Variants in LAMA3 observed in about 807,000 individuals in gnomAD.
LAMA3 encodes laminin subunit alpha 3, also known as laminin subunit alpha-3.
LAMA3 carries 281 observed loss-of-function variants against 402.0 expected under a neutral mutation model. That is an observed-to-expected ratio of 0.70 (90% confidence interval 0.63 to 0.77). LAMA3 has a LOEUF of 0.77. Among genes scored for constraint, LAMA3 ranks in the 30% least tolerant of loss-of-function variants. LAMA3 has a pLI of 0.00. For missense variants in LAMA3, 3,840 were observed against 4,215.5 expected, an observed-to-expected ratio of 0.91 and a Z score of 2.47; for synonymous variants, 1,431 against 1,558.4, an observed-to-expected ratio of 0.92 and a Z score of 1.93.
intron 59 of LAMA3, among the ~76,000 whole-genome samples, chr18:23,916,048 GA>G (rs34752262): frequency 0.71 from 67,141 of 94,094 alleles, 25,933 homozygotes; most frequent in Non-Finnish European, 0.85. Flanking sequence ...AAAAGAAAAA[GA>G]AAAAGAAAAG....
intron 12 of LAMA3, among the ~76,000 whole-genome samples, chr18:23,795,734 T>TAA (rs530213801): frequency 3.3e-5 from 5 of 151,926 alleles, no homozygotes; most frequent in Admixed American, 3.3e-4. Context: ...ATATTTTTTT[T>TAA]AATCTATAAA....
chr18:23,715,222 A>T (rs962506252), intron 2 of LAMA3, among the ~76,000 whole-genome samples: 1 of 151,924 alleles, frequency 6.6e-6, no homozygotes, highest in African/African-American at 2.4e-5. Flanking sequence ...GCCGAAGACC[A>T]TTGGCATGTA....
At chr18:23,858,583 C>T in intron 33 of LAMA3, 106 bp from the exon 34 acceptor site, 1 of 1,041,814 alleles carries the variant, frequency 9.6e-7, no homozygotes, top group Admixed American at 1.7e-5. Flanking sequence ...TTGCTCACAT[C>T]CTCATCCTAA....
At chr18:23,774,214 C>T (rs2062265438) in intron 9 of LAMA3, among the ~76,000 whole-genome samples, 1 of 152,196 alleles carries the variant, frequency 6.6e-6, no homozygotes, top group Non-Finnish European at 1.5e-5. Context: ...CAGAGTGAGA[C>T]TCTGTCTCAG....
intron 42 of LAMA3, among the ~76,000 whole-genome samples, chr18:23,893,103 A>G (rs2080742682): frequency 6.6e-6 from 1 of 152,178 alleles, no homozygotes; most frequent in South Asian, 2.1e-4. Context: ...TACAATTAAA[A>G]GTAAATGTGG....
At chr18:23,838,967 A>G in intron 26 of LAMA3, 89 bp downstream of exon 26, 1 of 838,846 alleles carries the variant, frequency 1.2e-6, no homozygotes, top group Admixed American at 1.8e-5. Context: ...AACGTCAGAA[A>G]TGATCATAAG....
chr18:23,743,955 A>G (rs1460415599), intron 2 of LAMA3, among the ~76,000 whole-genome samples: 1 of 152,192 alleles, frequency 6.6e-6, no homozygotes, highest in Non-Finnish European at 1.5e-5. Flanking sequence ...AGCAGCACTC[A>G]TGTGTGCTTT....
Position 23,939,301 on chromosome 18 carries a change from C to A in LAMA3, c.8941C>A (p.Gln2981Lys). ...QDACSPLPKT[Q>K]ANHGALQFGD... ...TGCTTGCTCACCACTTCCCAAGACC[C>A]AGGCCAATCATGGAGCCCTCCAGTT... Residue 2981 changes from glutamine (Q) to lysine (K), a missense_variant, in exon 68 of 75, where the codon CAG becomes AAG. Physicochemically the swap from Gln to Lys is moderately conservative, Grantham distance 53. Coordinates refer to ENST00000313654, the MANE Select transcript of LAMA3 (RefSeq NM_198129.4). The A allele has an allele frequency of 6.2e-7, 1 of 1,614,172 alleles. No individual in the cohort carries two copies. The highest frequency in any genetic ancestry group is 8.5e-7 in the Non-Finnish European group (1 of 1,180,006).
intron 38 of LAMA3, among the ~76,000 whole-genome samples, chr18:23,875,153 C>G (rs529726663): frequency 1.8e-3 from 276 of 152,278 alleles, no homozygotes; most frequent in Non-Finnish European, 2.9e-3. Flanking sequence ...GCTTGAGCCA[C>G]CACAACCAGC....
rs568042556 is a variant in LAMA3 at position 23,794,070 on chromosome 18, C to G, written c.1603+9913C>G. ...GAGACTGGGAGCTTCCATGCCCTCC[C>G]TGGGCCCCACCCTCCAGGAACCTCC... On this transcript the variant is annotated intron_variant, in intron 12 of 74. Coordinates refer to ENST00000313654, the MANE Select transcript of LAMA3 (RefSeq NM_198129.4). Among the ~76,000 whole-genome samples the G allele has an allele frequency of 9.2e-5, 14 of 152,378 alleles. No individual in the cohort carries two copies. In the East Asian group the frequency reaches 2.5e-3, roughly 27 times the overall value.
intron 34 of LAMA3, among the ~76,000 whole-genome samples, chr18:23,859,289 TC>T (rs1387126903): frequency 6.6e-6 from 1 of 152,222 alleles, no homozygotes; most frequent in Non-Finnish European, 1.5e-5. Context: ...TGGGGTTTTT[TC>T]TATACTAAAA....
At chr18:23,770,536 C>T (rs941733733) in intron 8 of LAMA3, among the ~76,000 whole-genome samples, 1 of 151,842 alleles carries the variant, frequency 6.6e-6, no homozygotes, top group Non-Finnish European at 1.5e-5. Flanking sequence ...CTGAGGCGGG[C>T]GGATCACGAG....
chr18:23,768,804 G>C (rs1215133843), intron 8 of LAMA3, among the ~76,000 whole-genome samples: 1 of 152,176 alleles, frequency 6.6e-6, no homozygotes, highest in Non-Finnish European at 1.5e-5. Flanking sequence ...ATATTACACA[G>C]ACATAAAAAA....
intron 1 of LAMA3, among the ~76,000 whole-genome samples, chr18:23,704,269 T>C (rs1310193671): frequency 6.6e-6 from 1 of 152,240 alleles, no homozygotes; most frequent in Non-Finnish European, 1.5e-5. Flanking sequence ...TATAGAGTCA[T>C]ATAATTGTCA....
intron 12 of LAMA3, among the ~76,000 whole-genome samples, chr18:23,790,721 C>G (rs2062633712): frequency 6.6e-6 from 1 of 152,104 alleles, no homozygotes; most frequent in Non-Finnish European, 1.5e-5. Context: ...CTGATGAATC[C>G]ATTTTCCCCA....
At chr18:23,749,291 C>T (rs2061703581) in intron 3 of LAMA3, 137 bp from the exon 4 acceptor site, 1 of 611,372 alleles carries the variant, frequency 1.6e-6, no homozygotes, top group South Asian at 2.2e-5. Context: ...CATTATCAGC[C>T]TTTCTCTAAA....
At chr18:23,848,379 G>C (rs1374564629) in intron 32 of LAMA3, among the ~76,000 whole-genome samples, 1 of 152,226 alleles carries the variant, frequency 6.6e-6, no homozygotes, top group Non-Finnish European at 1.5e-5. Flanking sequence ...GTGGAGGCCG[G>C]TGTCACATGG....
chr18:23,935,794 A>G (rs2082296913), intron 67 of LAMA3, among the ~76,000 whole-genome samples: 1 of 152,200 alleles, frequency 6.6e-6, no homozygotes, highest in African/African-American at 2.4e-5. Context: ...CATGCTAATG[A>G]AAACCTAAAT....
rs936901580 is a variant in LAMA3 at position 23,816,245 on chromosome 18, A to G, written c.2048-143A>G. The G allele has an allele frequency of 6.3e-5, 45 of 717,202 alleles. No homozygotes were observed. In the East Asian group the frequency reaches 1.2e-3, roughly 19 times the overall value. The allele number at this position is 717,202 out of a possible 1,614,324, so 44.4% of individuals were successfully genotyped here. ...GGTTTGGGAGTTTCCAAGATTTCAAACACTTGCCAGACAGATGTGGCAGAG... is the reference window on the plus strand; with the variant it reads ...GGTTTGGGAGTTTCCAAGATTTCAAGCACTTGCCAGACAGATGTGGCAGAG... On this transcript the variant is annotated intron_variant, in intron 17 of 74. Coordinates refer to ENST00000313654, the MANE Select transcript of LAMA3 (RefSeq NM_198129.4).
Sources: gnomAD v4.1 joint callset for allele counts (sites outside exome capture counted in the v4.1 genomes callset) on GRCh38, gnomAD v4.1.1 for gene constraint, MANE v1.5 for transcripts, NCBI Gene and HGNC (gene_info 2026-07-23, HGNC 2026-07-21) for gene names.